Variants in ZBTB20 observed in about 807,000 individuals in gnomAD.
The protein encoded by ZBTB20 is zinc finger and BTB domain containing 20, also known as zinc finger and BTB domain-containing protein 20.
ZBTB20 carries 9 observed loss-of-function variants against 56.9 expected under a neutral mutation model. The ratio of observed to expected loss-of-function variants is 0.16; its 90% CI spans 0.10 to 0.28. The LOEUF is 0.28. Ranked by LOEUF, ZBTB20 falls within the 10% of genes least tolerant of loss-of-function variation. ZBTB20 has a pLI of 1.00. For synonymous variants in ZBTB20, 417 were observed against 420.7 expected, an observed-to-expected ratio of 0.99 and a Z score of 0.11; for missense variants, 655 against 1,003.0, an observed-to-expected ratio of 0.65 and a Z score of 4.69.
At chr3:114,540,679 T>C (rs2049011052) in intron 6 of ZBTB20, among the ~76,000 whole-genome samples, 1 of 152,128 alleles carries the variant, frequency 6.6e-6, no homozygotes, top group Admixed American at 6.6e-5. Context: ...CTTCTCTAGG[T>C]GAGCTTAAGT....
chr3:114,914,593 T>C (rs1048684724), intron 3 of ZBTB20, among the ~76,000 whole-genome samples: 3 of 151,968 alleles, frequency 2.0e-5, no homozygotes, highest in Non-Finnish European at 4.4e-5. Context: ...TGACTTCTAG[T>C]TTTATGTTGA....
intron 1 of ZBTB20, among the ~76,000 whole-genome samples, chr3:115,072,686 A>G (rs1361931755): frequency 1.3e-5 from 2 of 152,164 alleles, no homozygotes; most frequent in Non-Finnish European, 2.9e-5. Flanking sequence ...ACTCATTCAT[A>G]GCAATCTAAA....
intron 11 of ZBTB20, among the ~76,000 whole-genome samples, chr3:114,340,915 A>T (rs1480065302): frequency 6.6e-6 from 1 of 152,204 alleles, no homozygotes; most frequent in Non-Finnish European, 1.5e-5. Flanking sequence ...GAGAGCTTTG[A>T]TGTATTATGG....
chr3:114,903,893 C>T (rs151171025), intron 3 of ZBTB20, among the ~76,000 whole-genome samples: 1 of 151,558 alleles, frequency 6.6e-6, no homozygotes. Flanking sequence ...TAAAAAAAAA[C>T]GTTAGAGTCA....
At chr3:114,711,342 G>A (rs1305992432) in intron 5 of ZBTB20, among the ~76,000 whole-genome samples, 1 of 152,144 alleles carries the variant, frequency 6.6e-6, no homozygotes, top group Non-Finnish European at 1.5e-5. Context: ...TTAAATGACT[G>A]AATGAATAAG....
At chr3:114,823,204 C>A (rs981622818) in intron 4 of ZBTB20, among the ~76,000 whole-genome samples, 1 of 152,024 alleles carries the variant, frequency 6.6e-6, no homozygotes, top group African/African-American at 2.4e-5. Flanking sequence ...GAGAATTTGG[C>A]CTGTGCTCTA....
At chr3:115,027,129 T>C (rs1026710442) in intron 2 of ZBTB20, among the ~76,000 whole-genome samples, 1 of 151,046 alleles carries the variant, frequency 6.6e-6, no homozygotes, top group Non-Finnish European at 1.5e-5. Context: ...CTACTATAAA[T>C]GGTTCTGATA....
At chr3:114,614,425 C>T (rs1368047145) in intron 6 of ZBTB20, among the ~76,000 whole-genome samples, 1 of 152,192 alleles carries the variant, frequency 6.6e-6, no homozygotes, top group Non-Finnish European at 1.5e-5. Flanking sequence ...AGTTTAGTCT[C>T]AGCCTGGTAA....
chr3:114,393,267 T>C (rs1035431208), intron 7 of ZBTB20, among the ~76,000 whole-genome samples: 1 of 152,230 alleles, frequency 6.6e-6, no homozygotes, highest in Non-Finnish European at 1.5e-5. Flanking sequence ...GGCAACTACA[T>C]TAAAATCATA....
chr3:114,915,973 T>C (rs920485212), intron 3 of ZBTB20, among the ~76,000 whole-genome samples: 2 of 152,038 alleles, frequency 1.3e-5, no homozygotes, highest in Non-Finnish European at 2.9e-5. Context: ...TTTTGTAGTC[T>C]TAGGTATCCT....
At chr3:114,648,561 TA>T (rs756731273) in intron 6 of ZBTB20, among the ~76,000 whole-genome samples, 4 of 151,986 alleles carry the variant, frequency 2.6e-5, no homozygotes, top group Non-Finnish European at 4.4e-5. Flanking sequence ...TCTGCAATAA[TA>T]ATATTATATT....
chr3:114,759,769 T>C (rs1394139467), intron 5 of ZBTB20, among the ~76,000 whole-genome samples: 1 of 152,322 alleles, frequency 6.6e-6, no homozygotes, highest in East Asian at 1.9e-4. Flanking sequence ...TATGAACATT[T>C]ATTGACTCCC....
chr3:114,359,909 T>C (rs1382110383), intron 10 of ZBTB20, among the ~76,000 whole-genome samples: 5 of 152,218 alleles, frequency 3.3e-5, no homozygotes, highest in African/African-American at 7.2e-5. Flanking sequence ...CATAATCATA[T>C]ACTTATTTTA....
chr3:114,648,523 G>A (rs2059966947), intron 6 of ZBTB20, among the ~76,000 whole-genome samples: 1 of 151,934 alleles, frequency 6.6e-6, no homozygotes, highest in African/African-American at 2.4e-5. Context: ...ATTCATAAAA[G>A]TGTACTGTTA....
intron 2 of ZBTB20, among the ~76,000 whole-genome samples, chr3:114,988,366 C>CT (rs1384186730): frequency 2.0e-5 from 3 of 150,948 alleles, no homozygotes; most frequent in African/African-American, 7.3e-5. Flanking sequence ...GTTTTTTGTC[C>CT]TTGTGATAGT....
chr3:114,344,661 A>G (rs2080046401), intron 11 of ZBTB20, among the ~76,000 whole-genome samples: 1 of 152,240 alleles, frequency 6.6e-6, no homozygotes. Flanking sequence ...AAGTGGTAAT[A>G]TCATGGCCTT....
At chr3:114,520,434 C>G (rs958890735) in intron 6 of ZBTB20, among the ~76,000 whole-genome samples, 1 of 152,112 alleles carries the variant, frequency 6.6e-6, no homozygotes, top group Non-Finnish European at 1.5e-5. Context: ...ACAATTACTA[C>G]AGAAATCAAG....
At chr3:114,837,407 CCA>C (rs1560304251) in intron 4 of ZBTB20, among the ~76,000 whole-genome samples, 1 of 152,130 alleles carries the variant, frequency 6.6e-6, no homozygotes. Context: ...AAACACCATT[CCA>C]CAGTTTCTGT....
intron 6 of ZBTB20, among the ~76,000 whole-genome samples, chr3:114,638,981 C>T (rs535996269): frequency 6.6e-6 from 1 of 152,112 alleles, no homozygotes; most frequent in South Asian, 2.1e-4. Context: ...CAAATACCAC[C>T]AGCAATAAGA....
Sources: allele counts gnomAD v4.1 joint callset (sites outside exome capture counted in the v4.1 genomes callset), GRCh38; gene constraint gnomAD v4.1.1; transcripts MANE v1.5; gene names NCBI Gene and HGNC (gene_info 2026-07-23, HGNC 2026-07-21).